Variants in ZNF610 observed in about 807,000 individuals in gnomAD.
ZNF610 encodes zinc finger protein 610.
A neutral mutation model predicts 14.1 loss-of-function variants in ZNF610; 14 were observed. That is an observed-to-expected ratio of 0.99 (90% CI 0.65 to 1.55). ZNF610 has a LOEUF of 1.55. Ranked by LOEUF, ZNF610 falls within the 40% of genes most tolerant of loss-of-function variation. ZNF610 has a pLI of 0.00. For missense variants in ZNF610, 530 were observed against 558.0 expected, an observed-to-expected ratio of 0.95 and a Z score of 0.51; for synonymous variants, 185 against 187.6, an observed-to-expected ratio of 0.99 and a Z score of 0.11.
At position 52,354,324 on chromosome 19, in the gene ZNF610, A is replaced by C. The variant is rs770121624; in HGVS notation, c.264A>C (p.Gln88His). Residue 88 changes from glutamine (Q) to histidine (H), a missense_variant, in exon 5 of 6, where the codon CAA becomes CAC. Coordinates refer to ENST00000403906, the MANE Select transcript of ZNF610 (RefSeq NM_001161425.2). ...QRREPLILQS[Q>H]VKIVKNTDGR... ...GAGAGCCCTTGATTCTGCAAAGTCA[A>C]GTTAAAATAGTAAAAAATACAGATG... is the stretch of plus-strand genomic sequence containing the variant. 2.5e-6 allele frequency: 4 copies of C among 1,614,082 alleles called. No individual in the cohort carries two copies. Among genetic ancestry groups the C allele is most frequent in the Non-Finnish European group, 3.4e-6 (4 of 1,180,042 alleles).
At chr19:52,348,851 C>G (rs1215625037) in intron 2 of ZNF610, among the ~76,000 whole-genome samples, 5 of 152,134 alleles carry the variant, frequency 3.3e-5, no homozygotes, top group South Asian at 2.1e-4. Flanking sequence ...AGGGGCTGTG[C>G]TCTTCATGGA....
chr19:52,365,703 A>G lies in ZNF610; in HGVS notation c.325A>G (p.Ser109Gly). 1 of 1,599,482 alleles carries G rather than the reference A, an allele frequency of 6.3e-7. No individual in the cohort carries two copies. The highest frequency in any genetic ancestry group is 8.5e-7 in the Non-Finnish European group (1 of 1,174,656). Reference sequence around the variant, plus strand: ...TACTCTTTCTTCTTTTCTAGGGAGGAGCTGTGTATTGGGAAGCAATGCAGA... The same window carrying G: ...TACTCTTTCTTCTTTTCTAGGGAGGGGCTGTGTATTGGGAAGCAATGCAGA... Reference protein sequence around the residue: ...ECVRSVNTGRSCVLGSNAENK... With the variant: ...ECVRSVNTGRGCVLGSNAENK... The change falls in exon 6 of 6, where the codon AGC (serine) becomes GGC (glycine). Residue 109 changes from serine (S) to glycine (G), a missense_variant. Transcript: ENST00000403906.
intron 5 of ZNF610, among the ~76,000 whole-genome samples, chr19:52,357,839 A>G (rs1429701704): frequency 6.6e-6 from 1 of 151,838 alleles, no homozygotes; most frequent in East Asian, 2.0e-4. Flanking sequence ...GAGAAGGATA[A>G]ATTAACAGAT....
intron 2 of ZNF610, among the ~76,000 whole-genome samples, chr19:52,348,552 C>T (rs1157963084): frequency 6.6e-6 from 1 of 152,130 alleles, no homozygotes; most frequent in Non-Finnish European, 1.5e-5. Flanking sequence ...TTTGGGGTAC[C>T]TCAGTCCTTT....
chr19:52,339,109 G>A, intron 1 of ZNF610, among the ~76,000 whole-genome samples: 1 of 151,978 alleles, frequency 6.6e-6, no homozygotes, highest in East Asian at 1.9e-4. Context: ...CAAACATCTT[G>A]GTGCAGTAAA....
intron 1 of ZNF610, among the ~76,000 whole-genome samples, chr19:52,340,698 T>TTA (rs1984646207): frequency 1.7e-5 from 2 of 116,674 alleles, no homozygotes. Context: ...TATTATTATT[T>TTA]GAGACGGAGT....
At chr19:52,339,063 A>G (rs1568644390) in intron 1 of ZNF610, among the ~76,000 whole-genome samples, 2 of 152,054 alleles carry the variant, frequency 1.3e-5, no homozygotes, top group Non-Finnish European at 2.9e-5. Flanking sequence ...TCTGTCATAA[A>G]TAAGGAAACG....
intron 5 of ZNF610, among the ~76,000 whole-genome samples, chr19:52,364,001 T>C (rs1387816309): frequency 6.6e-6 from 1 of 152,224 alleles, no homozygotes; most frequent in Non-Finnish European, 1.5e-5. Context: ...TCTCATCTCC[T>C]CTGGTGTATG....
At chr19:52,365,353 G>C (rs1361145612) in intron 5 of ZNF610, among the ~76,000 whole-genome samples, 2 of 152,088 alleles carry the variant, frequency 1.3e-5, no homozygotes, top group African/African-American at 4.8e-5. Context: ...CTAGCTTTAT[G>C]CGTATATTAT....
intron 5 of ZNF610, among the ~76,000 whole-genome samples, chr19:52,363,524 C>A (rs911750870): frequency 2.0e-5 from 3 of 152,088 alleles, no homozygotes; most frequent in Admixed American, 2.0e-4. Flanking sequence ...TGAATGTTTC[C>A]ATCCTATACT....
chr19:52,337,939 G>A (rs527453181), intron 1 of ZNF610, among the ~76,000 whole-genome samples: 11 of 152,236 alleles, frequency 7.2e-5, no homozygotes, highest in African/African-American at 2.2e-4. Flanking sequence ...AAACCAAAGC[G>A]TTTTTCCTAC....
intron 5 of ZNF610, among the ~76,000 whole-genome samples, chr19:52,365,237 CA>C (rs371290297): frequency 0.25 from 25,907 of 104,160 alleles, 2,309 homozygotes; most frequent in East Asian, 0.33. Context: ...GACTCCGTCT[CA>C]AAAAAAAAAA....
intron 3 of ZNF610, among the ~76,000 whole-genome samples, chr19:52,350,922 C>T (rs1364223630): frequency 6.6e-6 from 1 of 152,128 alleles, no homozygotes; most frequent in Non-Finnish European, 1.5e-5. Flanking sequence ...ATCGCTTGAA[C>T]CCGGGAGGTG....
At chr19:52,339,680 C>A (rs973381453) in intron 1 of ZNF610, among the ~76,000 whole-genome samples, 2 of 152,194 alleles carry the variant, frequency 1.3e-5, no homozygotes, top group Non-Finnish European at 2.9e-5. Context: ...CTTATGTCTA[C>A]TTCTTTCTAC....
upstream of ZNF610, among the ~76,000 whole-genome samples, chr19:52,332,015 G>A (rs1984226968): frequency 6.6e-6 from 1 of 152,194 alleles, no homozygotes; most frequent in Non-Finnish European, 1.5e-5. The surrounding 1 kb of genome is among the most constrained non-coding windows in gnomAD (Gnocchi z 4.1). Context: ...GGACATAAAC[G>A]AAGAAGGTCT....
At chr19:52,345,263 T>G (rs2122195684) in intron 1 of ZNF610, 1 of 152,290 alleles carries the variant, frequency 6.6e-6, no homozygotes, top group Middle Eastern at 3.4e-3. Context: ...TAATGACATT[T>G]TGGTCAACAA....
chr19:52,355,748 C>T (rs950798896), intron 5 of ZNF610, among the ~76,000 whole-genome samples: 1 of 152,194 alleles, frequency 6.6e-6, no homozygotes, highest in African/African-American at 2.4e-5. Flanking sequence ...CTCAGTGAGA[C>T]ACTTCATTAG....
intron 1 of ZNF610, among the ~76,000 whole-genome samples, chr19:52,338,708 T>C (rs1245629433): frequency 1.3e-5 from 2 of 152,042 alleles, no homozygotes; most frequent in African/African-American, 4.8e-5. Flanking sequence ...AAACATGTTT[T>C]TTTTTCTTTG....
At chr19:52,342,204 A>G (rs1047177141) in intron 1 of ZNF610, among the ~76,000 whole-genome samples, 6 of 152,154 alleles carry the variant, frequency 3.9e-5, no homozygotes, top group Non-Finnish European at 8.8e-5. Context: ...CAGCCTCCCA[A>G]AATGTATCCA....
Sources: allele counts gnomAD v4.1 joint callset (sites outside exome capture counted in the v4.1 genomes callset), GRCh38; gene constraint gnomAD v4.1.1; non-coding constraint Gnocchi (gnomAD v3.1); transcripts MANE v1.5; gene names NCBI Gene and HGNC (gene_info 2026-07-23, HGNC 2026-07-21).